The following NCALD variants were observed in gnomAD, a reference collection of about 807,000 sequenced individuals.
NCALD encodes neurocalcin-delta.
In NCALD, 10 loss-of-function variants were observed where a neutral mutation model predicts 18.6. That is an observed-to-expected ratio of 0.54 (90% CI 0.33 to 0.91). NCALD has a LOEUF of 0.91. Ranked by LOEUF, NCALD falls within the 40% of genes least tolerant of loss-of-function variation. The probability of loss-of-function intolerance (pLI) is 0.03; values close to 1 mark genes in which losing one functional copy is unlikely to be tolerated. For missense variants in NCALD, 184 were observed against 247.6 expected (o/e 0.74, Z 1.72); for synonymous variants, 88 against 87.4 (o/e 1.01, Z -0.04).
At chr8:101,755,330 G>A (rs1358679671) in intron 1 of NCALD, among the ~76,000 whole-genome samples, 10 of 151,472 alleles carry the variant, frequency 6.6e-5, no homozygotes, top group Admixed American at 3.9e-4. Context: ...AAGTATTCCC[G>A]TTTGGACAAT....
At chr8:101,940,106 T>A (rs1426513775) in intron 2 of NCALD, among the ~76,000 whole-genome samples, 2 of 152,240 alleles carry the variant, frequency 1.3e-5, no homozygotes, top group African/African-American at 4.8e-5. Flanking sequence ...TAAACATTTG[T>A]CCACATCTTG....
chr8:101,980,558 G>A (rs1820583469), intron 2 of NCALD, among the ~76,000 whole-genome samples: 3 of 152,180 alleles, frequency 2.0e-5, no homozygotes, highest in African/African-American at 4.8e-5. Context: ...ATGAGGAATA[G>A]CCAAAAGGAC....
At chr8:101,995,984 T>A (rs1821227461) in intron 2 of NCALD, among the ~76,000 whole-genome samples, 1 of 152,196 alleles carries the variant, frequency 6.6e-6, no homozygotes, top group Non-Finnish European at 1.5e-5. Flanking sequence ...CTCTCCACAG[T>A]GTGACTCTCT....
At chr8:102,071,382 C>T (rs1824173658) in intron 1 of NCALD, among the ~76,000 whole-genome samples, 1 of 152,194 alleles carries the variant, frequency 6.6e-6, no homozygotes, top group South Asian at 2.1e-4. Flanking sequence ...TCATCATTTA[C>T]ATAACCAACG....
At chr8:101,885,272 A>T (rs1816636195) in intron 4 of NCALD, among the ~76,000 whole-genome samples, 1 of 152,158 alleles carries the variant, frequency 6.6e-6, no homozygotes, top group Admixed American at 6.5e-5. Context: ...GCTTTCAAAT[A>T]ATTTCTTTAT....
chr8:102,053,961 A>G (rs1311651830), intron 1 of NCALD, among the ~76,000 whole-genome samples: 1 of 152,142 alleles, frequency 6.6e-6, no homozygotes, highest in Non-Finnish European at 1.5e-5. Context: ...CTAACGTAGT[A>G]GAATATGTCA....
intron 3 of NCALD, among the ~76,000 whole-genome samples, chr8:101,903,101 A>G (rs957702965): frequency 1.3e-5 from 2 of 152,206 alleles, no homozygotes; most frequent in African/African-American, 4.8e-5. Flanking sequence ...AGGCAGGAAA[A>G]GAAATGAGTG....
intron 1 of NCALD, among the ~76,000 whole-genome samples, chr8:101,773,301 C>G (rs1003760425): frequency 6.6e-6 from 1 of 152,170 alleles, no homozygotes. Flanking sequence ...GTCAGTTCAG[C>G]GCACAATACC....
chr8:101,839,739 T>C (rs1814562752), intron 4 of NCALD, among the ~76,000 whole-genome samples: 1 of 152,066 alleles, frequency 6.6e-6, no homozygotes, highest in South Asian at 2.1e-4. Context: ...TTAGAATAAA[T>C]CAAGCCGAGG....
At chr8:102,115,310 CT>C (rs1028275963) in intron 1 of NCALD, among the ~76,000 whole-genome samples, 23 of 152,118 alleles carry the variant, frequency 1.5e-4, no homozygotes, top group African/African-American at 5.1e-4. Flanking sequence ...GGCACTTTAC[CT>C]TTTTTTCTTT....
rs1816441884 is a variant in NCALD, at chr8:101,880,421, G to C, written c.-20+6720C>G. 2.0e-5 allele frequency among the ~76,000 whole-genome samples: 3 copies of C among 152,156 alleles called. No individual in the cohort carries two copies. The South Asian group carries it at 6.2e-4, about 32-fold the overall frequency. Reference sequence around the variant, plus strand: ...ACCTCCCTGCAAGCAGAGGGAGCTGGCTCTGGCCTTGGCCAGCCCGGAGAG... The same window carrying C: ...ACCTCCCTGCAAGCAGAGGGAGCTGCCTCTGGCCTTGGCCAGCCCGGAGAG... On this transcript the variant is annotated intron_variant, in intron 4 of 6. Coordinates refer to the NCALD transcript ENST00000311028.
intron 4 of NCALD, among the ~76,000 whole-genome samples, chr8:101,852,300 T>G (rs184489730): frequency 2.0e-5 from 3 of 152,306 alleles, no homozygotes; most frequent in Admixed American, 1.3e-4. Context: ...CACTTCCTTA[T>G]TCTCCTAACA....
intron 1 of NCALD, among the ~76,000 whole-genome samples, chr8:101,770,071 A>G (rs1811520368): frequency 6.6e-6 from 1 of 152,220 alleles, no homozygotes; most frequent in African/African-American, 2.4e-5. Flanking sequence ...GTTTCCTAAC[A>G]CCATCATTAT....
chr8:101,711,095 C>T lies in NCALD; in HGVS notation c.378+8157G>A, dbSNP rs574069345. On this transcript the variant is annotated intron_variant, in intron 2 of 3. Transcript: ENST00000220931. Reference sequence around the variant, plus strand: ...GCAGGCAGCAATTTTTGCTATTCTGCAGCCTCTGCTGGTGATACCCAGGCA... The same window carrying T: ...GCAGGCAGCAATTTTTGCTATTCTGTAGCCTCTGCTGGTGATACCCAGGCA... 2.3e-4 allele frequency among the ~76,000 whole-genome samples: 35 copies of T among 152,294 alleles called. No homozygotes were observed. In the East Asian group the frequency reaches 6.6e-3, roughly 29 times the overall value.
At chr8:101,763,966 C>CTCTCTCTCCACACA (rs1491550100) in intron 1 of NCALD, among the ~76,000 whole-genome samples, 12 of 85,298 alleles carry the variant, frequency 1.4e-4, no homozygotes, top group African/African-American at 4.7e-4. Context: ...CTCTCTCTCT[C>CTCTCTCTCCACACA]CACACACACA....
intron 1 of NCALD, among the ~76,000 whole-genome samples, chr8:101,744,506 T>G (rs1810347608): frequency 6.6e-6 from 1 of 152,248 alleles, no homozygotes; most frequent in Admixed American, 6.5e-5. Flanking sequence ...CTGGCAGATC[T>G]TAAAATGAGT....
At chr8:101,836,520 T>A (rs1269556744) in intron 4 of NCALD, among the ~76,000 whole-genome samples, 4 of 152,216 alleles carry the variant, frequency 2.6e-5, no homozygotes, top group Non-Finnish European at 5.9e-5. Flanking sequence ...GAGATTTGAC[T>A]GGAGTAAATC....
At chr8:101,872,489 G>C in intron 4 of NCALD, 1 of 802,230 alleles carries the variant, frequency 1.2e-6, no homozygotes, top group Admixed American at 1.7e-5. Context: ...TCCTTGGTGG[G>C]TAAGATGCCC....
intron 1 of NCALD, among the ~76,000 whole-genome samples, chr8:102,064,040 C>A (rs796272079): frequency 4.6e-5 from 7 of 152,264 alleles, no homozygotes; most frequent in African/African-American, 1.7e-4. Context: ...CTTAAGTAGC[C>A]AGAGTTGGTT....
Sources: allele counts gnomAD v4.1 joint callset (sites outside exome capture counted in the v4.1 genomes callset), GRCh38; gene constraint gnomAD v4.1.1; transcripts MANE v1.5; gene names NCBI Gene and HGNC (gene_info 2026-07-23, HGNC 2026-07-21).